Variants in NUCB2 observed in about 807,000 individuals in gnomAD.
The protein encoded by NUCB2 is nucleobindin-2.
A neutral mutation model predicts 57.9 loss-of-function variants in NUCB2; 48 were observed. The ratio of observed to expected loss-of-function variants is 0.83; its 90% CI spans 0.66 to 1.05. The LOEUF is 1.05. Among genes scored for constraint, NUCB2 ranks in the 50% least tolerant of loss-of-function variants. NUCB2 has a pLI of 0.00. For missense variants in NUCB2, 442 were observed against 476.2 expected, an observed-to-expected ratio of 0.93 and a Z score of 0.67; for synonymous variants, 139 against 152.1, an observed-to-expected ratio of 0.91 and a Z score of 0.64.
chr11:17,343,058 C>T (rs1276619521), intron 2 of NUCB2, among the ~76,000 whole-genome samples: 3 of 151,958 alleles, frequency 2.0e-5, no homozygotes, highest in Non-Finnish European at 4.4e-5. Flanking sequence ...ATCCCTTTAT[C>T]ATTATGTAAT....
At chr11:17,326,680 T>G (rs1565464672) in intron 11 of NUCB2, among the ~76,000 whole-genome samples, 1 of 152,150 alleles carries the variant, frequency 6.6e-6, no homozygotes, top group Non-Finnish European at 1.5e-5. Context: ...TTTTATTTAT[T>G]TTTAGTTATT....
At chr11:17,334,008 C>T (rs1014909097), downstream of NUCB2, 5 of 152,240 alleles carry the variant, frequency 3.3e-5, no homozygotes, top group African/African-American at 1.2e-4. Flanking sequence ...GTCTCTGTGG[C>T]AGGAAGTCTC....
At chr11:17,312,648 C>T (rs990699997) in intron 10 of NUCB2, among the ~76,000 whole-genome samples, 11 of 151,932 alleles carry the variant, frequency 7.2e-5, no homozygotes, top group African/African-American at 2.7e-4. Context: ...GGTGATCCAT[C>T]CGCCTTGGCC....
At chr11:17,296,276 T>G in intron 4 of NUCB2, 65 bp downstream of exon 4, 167 of 750,546 alleles carry the variant, frequency 2.2e-4, no homozygotes, top group Non-Finnish European at 3.3e-4. Flanking sequence ...AGAGATGAGG[T>G]CTCACCATAT....
Position 17,330,157 on chromosome 11 carries a change from G to A in NUCB2, c.1033G>A (p.Glu345Lys), listed in dbSNP as rs762418466. The change falls in exon 12 of 14, where the codon GAA (glutamate) becomes AAA (lysine). Residue 345 changes from glutamate to lysine, a missense_variant. Coordinates refer to ENST00000529010, the MANE Select transcript of NUCB2 (RefSeq NM_005013.4). The surrounding 1 kb of genome is among the most constrained non-coding windows in gnomAD (Gnocchi z 4.3). ...TLDQQQFFTE[E>K]ELKEYENIIA... Reference sequence around the variant, plus strand: ...AGATCAGCAACAGTTCTTCACAGAGGAAGAACTAAAAGAATATGAAAATAT... The same window carrying A: ...AGATCAGCAACAGTTCTTCACAGAGAAAGAACTAAAAGAATATGAAAATAT... 1 of 1,558,368 alleles carries A rather than the reference G, an allele frequency of 6.4e-7. No individual in the cohort carries two copies. Among genetic ancestry groups the A allele is most frequent in the Non-Finnish European group, 8.8e-7 (1 of 1,138,966 alleles).
At chr11:17,289,685 A>T (rs767834096) in intron 2 of NUCB2, among the ~76,000 whole-genome samples, 1 of 152,188 alleles carries the variant, frequency 6.6e-6, no homozygotes, top group African/African-American at 2.4e-5. Context: ...TTAATGTTTA[A>T]TATGGCAACA....
intron 2 of NUCB2, among the ~76,000 whole-genome samples, chr11:17,284,216 C>CA (rs1943227754): frequency 6.6e-6 from 1 of 152,098 alleles, no homozygotes; most frequent in African/African-American, 2.4e-5. Flanking sequence ...TGGGGTCTCA[C>CA]CATGTTGGCC....
rs1944179125 is a variant in NUCB2, at chr11:17,288,510, CTATT to C, written c.-1+5573_-1+5576del. ...ACCCAGCCCAATGGAATCTTAAAGC[CTATT>C]TATTTTATTTTATCTTTTTCTTCTT... On this transcript the variant is annotated intron_variant, in intron 2 of 13. Transcript: ENST00000529010. Among the ~76,000 whole-genome samples the C allele has an allele frequency of 2.0e-5, 3 of 146,918 alleles. No homozygotes were observed. In the South Asian group the frequency reaches 6.5e-4, roughly 32 times the overall value.
At chr11:17,336,753 CAAAAAAAAAAAAAAAAAAAAA>C (rs71047542), downstream of NUCB2, among the ~76,000 whole-genome samples, 6 of 47,416 alleles carry the variant, frequency 1.3e-4, no homozygotes, top group South Asian at 1.3e-3. Context: ...GACTCCGTCT[CAAAAAAAAAAAAAAAAAAAAA>C]AAAAAAAAAA....
chr11:17,332,341 C>A (rs1426209410), downstream of NUCB2: 9 of 151,782 alleles, frequency 5.9e-5, no homozygotes, highest in African/African-American at 1.9e-4. Flanking sequence ...CCACACCTAG[C>A]TGCTAGGGAG....
At chr11:17,341,814 G>C (rs1952292914) in intron 2 of NUCB2, among the ~76,000 whole-genome samples, 1 of 152,164 alleles carries the variant, frequency 6.6e-6, no homozygotes, top group Non-Finnish European at 1.5e-5. Context: ...TTGCTATCAG[G>C]ATGATGCTGG....
chr11:17,284,295 G>A (rs924409184), intron 2 of NUCB2, among the ~76,000 whole-genome samples: 1 of 152,088 alleles, frequency 6.6e-6, no homozygotes, highest in Non-Finnish European at 1.5e-5. Flanking sequence ...TGGGATTACA[G>A]GAGTGAGCCA....
rs34405111 is a variant in NUCB2, at chr11:17,330,174, T to C, written c.1050T>C (p.Tyr350=). The C allele has an allele frequency of 5.2e-4, 827 of 1,584,120 alleles. 4 individuals carry two copies. The African/African-American group carries it at 8.3e-3, about 16-fold the overall frequency. Reference sequence around the variant, plus strand: ...TCACAGAGGAAGAACTAAAAGAATATGAAAATATTATTGCTTTACAAGAAA... The same window carrying C: ...TCACAGAGGAAGAACTAAAAGAATACGAAAATATTATTGCTTTACAAGAAA... The part of the protein sequence containing the change: ...QFFTEEELKE[Y]ENIIALQENE... Residue 350 remains tyrosine, a synonymous_variant, in exon 12 of 14, where the codon TAT becomes TAC. Transcript: ENST00000529010. The surrounding 1 kb of genome is among the most constrained non-coding windows in gnomAD (Gnocchi z 4.3).
chr11:17,324,180 C>G (rs564357166), intron 11 of NUCB2, among the ~76,000 whole-genome samples: 2 of 152,208 alleles, frequency 1.3e-5, no homozygotes, highest in East Asian at 3.9e-4. Context: ...TTGATATAGA[C>G]AGTTATAACT....
chr11:17,321,372 C>T (rs1949997638), intron 11 of NUCB2, among the ~76,000 whole-genome samples: 1 of 152,092 alleles, frequency 6.6e-6, no homozygotes, highest in Admixed American at 6.6e-5. Flanking sequence ...CTGTGCCTGG[C>T]TTATTTCACT....
intron 2 of NUCB2, among the ~76,000 whole-genome samples, chr11:17,340,316 G>C (rs1269164118): frequency 6.6e-6 from 1 of 152,142 alleles, no homozygotes; most frequent in Non-Finnish European, 1.5e-5. Flanking sequence ...TCACTCTGAT[G>C]GTAGTTTCTT....
At chr11:17,315,523 A>G in intron 11 of NUCB2, 48 bp downstream of exon 11, 3 of 1,111,726 alleles carry the variant, frequency 2.7e-6, no homozygotes, top group Non-Finnish European at 4.1e-6. Flanking sequence ...CAAATTCTAC[A>G]TCAGTCTATT....
chr11:17,300,927 A>G (rs572604146), intron 4 of NUCB2, among the ~76,000 whole-genome samples: 59 of 138,184 alleles, frequency 4.3e-4, no homozygotes, highest in African/African-American at 1.6e-3. Context: ...TCTAAATTAC[A>G]TGGTTTTTCA....
At chr11:17,301,052 A>G (rs2138597265) in intron 4 of NUCB2, among the ~76,000 whole-genome samples, 1 of 142,972 alleles carries the variant, frequency 7.0e-6, no homozygotes, top group African/African-American at 2.6e-5. Flanking sequence ...GGCGCACTGC[A>G]ACCTCCGCCT....
Sources: gnomAD v4.1 joint callset for allele counts (sites outside exome capture counted in the v4.1 genomes callset) on GRCh38, gnomAD v4.1.1 for gene constraint, Gnocchi (gnomAD v3.1) non-coding constraint, MANE v1.5 for transcripts, NCBI Gene and HGNC (gene_info 2026-07-23, HGNC 2026-07-21) for gene names.